The following LPIN1 variants were observed in gnomAD, a reference collection of about 807,000 sequenced individuals.
LPIN1 encodes the protein lipin 1.
In LPIN1, 71 loss-of-function variants were observed where a neutral mutation model predicts 107.5. The observed-to-expected ratio is 0.66, with a 90% CI of 0.55 to 0.80. The LOEUF (loss-of-function observed/expected upper bound fraction) is 0.80, where lower values mean the gene tolerates loss of function less well. Ranked by LOEUF, LPIN1 falls within the 30% of genes least tolerant of loss-of-function variation. LPIN1 has a pLI of 0.00. For missense variants in LPIN1, 1,043 were observed against 1,160.6 expected, an observed-to-expected ratio of 0.90 and a Z score of 1.47; for synonymous variants, 445 against 452.6, an observed-to-expected ratio of 0.98 and a Z score of 0.21.
chr2:11,715,277 C>T (rs1265017752), intron 2 of LPIN1, among the ~76,000 whole-genome samples: 4 of 152,190 alleles, frequency 2.6e-5, no homozygotes, highest in African/African-American at 9.7e-5. Flanking sequence ...CTTCTGGCCC[C>T]ACGTGCAGGA....
At chr2:11,764,489 GTC>G in intron 1 of LPIN1, among the ~76,000 whole-genome samples, 1 of 152,334 alleles carries the variant, frequency 6.6e-6, no homozygotes, top group East Asian at 1.9e-4. Flanking sequence ...GAGCCTGTGA[GTC>G]TCTCCAGGGG....
chr2:11,791,758 C>T (rs1480395844), intron 12 of LPIN1, 156 bp from the exon 13 acceptor site: 1 of 1,480,290 alleles, frequency 6.8e-7, no homozygotes, highest in Non-Finnish European at 9.1e-7. Context: ...TTAGGTTTTG[C>T]TTCTCTAAAA....
intron 17 of LPIN1, among the ~76,000 whole-genome samples, chr2:11,809,218 T>A (rs1040393798): frequency 7.2e-5 from 11 of 152,100 alleles, no homozygotes; most frequent in Admixed American, 6.5e-4. Context: ...AGGCCTAAAT[T>A]TGGGCAATAA....
intron 9 of LPIN1, 62 bp from the exon 10 acceptor site, chr2:11,784,824 T>A: frequency 6.6e-7 from 1 of 1,518,780 alleles, no homozygotes; most frequent in Non-Finnish European, 9.1e-7. Context: ...CACTGGATGG[T>A]GATGTAGGAC....
intron 12 of LPIN1, among the ~76,000 whole-genome samples, chr2:11,789,073 T>G (rs1675179737): frequency 6.6e-6 from 1 of 152,264 alleles, no homozygotes; most frequent in Admixed American, 6.5e-5. Context: ...TGTTAATTTT[T>G]TCAATGATAG....
intron 1 of LPIN1, among the ~76,000 whole-genome samples, chr2:11,729,067 CT>C (rs1308738994): frequency 1.3e-5 from 2 of 152,140 alleles, no homozygotes; most frequent in Non-Finnish European, 2.9e-5. Flanking sequence ...GTCATGAAGT[CT>C]TTGCCTATGC....
intron 1 of LPIN1, among the ~76,000 whole-genome samples, chr2:11,759,440 CT>C (rs1392810343): frequency 6.6e-6 from 1 of 152,144 alleles, no homozygotes; most frequent in Non-Finnish European, 1.5e-5. Context: ...TTGCACCGCC[CT>C]TAATCCATTT....
chr2:11,788,568 G>A, intron 12 of LPIN1, 112 bp downstream of exon 12: 1 of 856,432 alleles, frequency 1.2e-6, no homozygotes, highest in Non-Finnish European at 2.0e-6. Flanking sequence ...ATTCCACTGT[G>A]CTCTTTTGAA....
intron 1 of LPIN1, among the ~76,000 whole-genome samples, chr2:11,763,857 C>CTCT (rs1286172559): frequency 1.3e-5 from 2 of 151,386 alleles, no homozygotes; most frequent in African/African-American, 4.9e-5. Flanking sequence ...TGTCCCTGTC[C>CTCT]TCCAAGCCCG....
At chr2:11,686,935 C>A (rs998802879) in intron 1 of LPIN1, among the ~76,000 whole-genome samples, 2 of 148,256 alleles carry the variant, frequency 1.3e-5, no homozygotes, top group African/African-American at 2.5e-5. Context: ...TTTCAGGAAT[C>A]ATTCTCTCCA....
chr2:11,773,203 C>T (rs1440752035), intron 4 of LPIN1, among the ~76,000 whole-genome samples: 4 of 152,198 alleles, frequency 2.6e-5, no homozygotes, highest in African/African-American at 4.8e-5. Flanking sequence ...ATGTGATCAG[C>T]GTATGGTCAT....
At chr2:11,775,323 A>G (rs1672492001) in intron 5 of LPIN1, among the ~76,000 whole-genome samples, 1 of 152,244 alleles carries the variant, frequency 6.6e-6, no homozygotes, top group African/African-American at 2.4e-5. Context: ...TAGAATATTT[A>G]GAACCCAATA....
chr2:11,760,550 G>C (rs1669643389), intron 1 of LPIN1, among the ~76,000 whole-genome samples: 2 of 152,306 alleles, frequency 1.3e-5, no homozygotes, highest in South Asian at 2.1e-4. Flanking sequence ...GCGTGGCGGC[G>C]CACGCCTGCA....
chr2:11,727,552 T>C (rs1480319459), intron 1 of LPIN1, among the ~76,000 whole-genome samples: 1 of 152,158 alleles, frequency 6.6e-6, no homozygotes, highest in African/African-American at 2.4e-5. Context: ...GTGTCACTGT[T>C]TCTAGTCCCT....
intron 2 of LPIN1, among the ~76,000 whole-genome samples, chr2:11,716,778 ACACT>A (rs1488101936): frequency 6.6e-6 from 1 of 152,162 alleles, no homozygotes; most frequent in Non-Finnish European, 1.5e-5. Context: ...AACGAAATAC[ACACT>A]CACCAACCCA....
chr2:11,753,740 C>CGTG (rs761164131), intron 1 of LPIN1, among the ~76,000 whole-genome samples: 1 of 152,174 alleles, frequency 6.6e-6, no homozygotes, highest in East Asian at 1.9e-4. Context: ...TCCTCTTTGC[C>CGTG]GTAAGTGTAA....
At chr2:11,708,694 G>A (rs771033100) in intron 1 of LPIN1, among the ~76,000 whole-genome samples, 3 of 152,094 alleles carry the variant, frequency 2.0e-5, no homozygotes, top group Admixed American at 6.5e-5. Flanking sequence ...TATAATCCAG[G>A]CATTTGATAC....
At chr2:11,811,152 T>C (rs1679576123) in intron 17 of LPIN1, among the ~76,000 whole-genome samples, 1 of 152,218 alleles carries the variant, frequency 6.6e-6, no homozygotes, top group African/African-American at 2.4e-5. Flanking sequence ...CCATGCCCTG[T>C]GCGTACCCCA....
intron 17 of LPIN1, among the ~76,000 whole-genome samples, chr2:11,805,960 C>T (rs1678605790): frequency 6.6e-6 from 1 of 152,218 alleles, no homozygotes; most frequent in Admixed American, 6.5e-5. Context: ...ATGCCTCCTC[C>T]AGCCTTTTGT....
Sources: allele counts gnomAD v4.1 joint callset (sites outside exome capture counted in the v4.1 genomes callset), GRCh38; gene constraint gnomAD v4.1.1; transcripts MANE v1.5; gene names NCBI Gene and HGNC (gene_info 2026-07-23, HGNC 2026-07-21).